UBXN7: variants seen among roughly 807,000 people sequenced by gnomAD.
UBXN7 encodes the protein UBX domain-containing protein 7.
UBXN7 carries 9 observed loss-of-function variants against 58.0 expected under a neutral mutation model. The ratio of observed to expected loss-of-function variants is 0.16; its 90% CI spans 0.09 to 0.27. The LOEUF (loss-of-function observed/expected upper bound fraction) is 0.27, where lower values mean the gene tolerates loss of function less well. Ranked by LOEUF, UBXN7 falls within the 10% of genes least tolerant of loss-of-function variation. The probability of loss-of-function intolerance (pLI) is 1.00; values close to 1 mark genes in which losing one functional copy is unlikely to be tolerated. For synonymous variants in UBXN7, 208 were observed against 205.0 expected (o/e 1.01, Z -0.12); for missense variants, 328 against 599.6 (o/e 0.55, Z 4.73).
Position 196,367,942 on chromosome 3 carries a change from T to G in UBXN7, c.834+86A>C, listed in dbSNP as rs184653926. On this transcript the variant is annotated intron_variant, in intron 8 of 10. Coordinates refer to ENST00000296328, the MANE Select transcript of UBXN7 (RefSeq NM_015562.2). ...AGTTGTCCACTAGTTAGATTATCTT[T>G]ACCATCTTAACATCGAACATTTTAT... 9.2e-4 allele frequency: 1,411 copies of G among 1,526,460 alleles called. 18 individuals are homozygous for G. In the African/African-American group the frequency reaches 0.018, roughly 20 times the overall value. The allele number at this position is 1,526,460 out of a possible 1,614,324, so 94.6% of individuals were successfully genotyped here.
chr3:196,418,373 G>A (rs1008361128), intron 1 of UBXN7, among the ~76,000 whole-genome samples: 1 of 152,192 alleles, frequency 6.6e-6, no homozygotes, highest in African/African-American at 2.4e-5. Context: ...TATAAAGTGT[G>A]AATATATATA....
chr3:196,379,904 G>T (rs1305045653), intron 5 of UBXN7, among the ~76,000 whole-genome samples: 1 of 152,112 alleles, frequency 6.6e-6, no homozygotes, highest in Non-Finnish European at 1.5e-5. Context: ...CCAAGAGAGG[G>T]TTCTTGGATC....
Position 196,391,925 on chromosome 3 carries a change from A to G in UBXN7, c.356T>C (p.Ile119Thr). The change falls in exon 5 of 11, where the codon ATT becomes ACT. Residue 119 changes from isoleucine to threonine, a missense_variant and splice_region_variant. By Grantham distance (89) the Ile-to-Thr change is moderately conservative. Around this residue, in one of 4 missense-constraint regions of UBXN7, gnomAD observed 126 missense variants for 302.6 expected, o/e 0.42. Coordinates refer to ENST00000296328, the MANE Select transcript of UBXN7 (RefSeq NM_015562.2). ...DGFRDFQTET[I>T]RQEQELRNGG... ...ATTTCTTAATTCTTGTTCTTGCCGA[A>G]CTATAATACAGAAGGATGAAAGTTT... The G allele has an allele frequency of 1.9e-6, 3 of 1,595,564 alleles. No individual in the cohort carries two copies. Among genetic ancestry groups the G allele is most frequent in the Non-Finnish European group, 1.7e-6 (2 of 1,169,700 alleles).
At chr3:196,368,960 C>CTACA (rs973940176) in intron 7 of UBXN7, among the ~76,000 whole-genome samples, 1 of 152,056 alleles carries the variant, frequency 6.6e-6, no homozygotes, top group African/African-American at 2.4e-5. Flanking sequence ...GCAGCTGGGA[C>CTACA]TACAGGTGCC....
chr3:196,404,073 C>G lies in UBXN7; in HGVS notation c.222-1054G>C, dbSNP rs570028528. On this transcript the variant is annotated intron_variant, in intron 2 of 10. Transcript: ENST00000296328. ...GACCAACCTTGGCAACATAGTAAGA[C>G]TCCATCTCTAAAAAAAAAAAGAAAA... is the stretch of plus-strand genomic sequence containing the variant. 3.4e-5 allele frequency among the ~76,000 whole-genome samples: 5 copies of G among 148,244 alleles called. No individual in the cohort carries two copies. The South Asian group carries it at 1.1e-3, about 32-fold the overall frequency.
intron 3 of UBXN7, among the ~76,000 whole-genome samples, chr3:196,399,607 A>AT (rs1729894896): frequency 6.6e-6 from 1 of 152,000 alleles, no homozygotes; most frequent in Admixed American, 6.6e-5. Context: ...TAACGAATTT[A>AT]TTTTTATTTT....
intron 5 of UBXN7, among the ~76,000 whole-genome samples, chr3:196,373,626 G>A (rs1322534637): frequency 1.3e-5 from 2 of 152,120 alleles, no homozygotes; most frequent in Non-Finnish European, 2.9e-5. Flanking sequence ...AAAAATGTGA[G>A]ACTGAGAATA....
intron 4 of UBXN7, among the ~76,000 whole-genome samples, chr3:196,392,183 T>G (rs1196965431): frequency 6.6e-6 from 1 of 152,002 alleles, no homozygotes; most frequent in African/African-American, 2.4e-5. Context: ...CAAAGTAACC[T>G]CTTCACATAT....
At chr3:196,409,744 G>A (rs1011057241) in intron 1 of UBXN7, among the ~76,000 whole-genome samples, 8 of 152,148 alleles carry the variant, frequency 5.3e-5, no homozygotes, top group Admixed American at 2.6e-4. Context: ...GCTTTATGAA[G>A]GGGAGGAGCC....
At chr3:196,394,420 A>G (rs187662923) in intron 3 of UBXN7, among the ~76,000 whole-genome samples, 97 of 151,984 alleles carry the variant, frequency 6.4e-4, no homozygotes, top group African/African-American at 2.2e-3. Context: ...GATTAACATA[A>G]TGAAACCCTG....
At position 196,350,315 on chromosome 3, in the gene UBXN7, A is replaced by G. The variant is rs925310846; in HGVS notation, c.*6370T>C. ...ACACAACAGCAACTGGTAGGCCACA[A>G]AGAGGGTGGGGTATCACAGAGCTAG... On this transcript the variant is annotated 3_prime_UTR_variant, in exon 11 of 11. Coordinates refer to ENST00000296328, the MANE Select transcript of UBXN7 (RefSeq NM_015562.2). 3.2e-4 allele frequency: 49 copies of G among 152,208 alleles called. No homozygotes were observed. The highest frequency in any genetic ancestry group is 1.1e-3 in the African/African-American group (47 of 41,472). The allele number at this position is 152,208 out of a possible 1,614,324, so 9.4% of individuals were successfully genotyped here.
intron 1 of UBXN7, among the ~76,000 whole-genome samples, chr3:196,409,185 C>T (rs539658632): frequency 1.3e-5 from 2 of 152,220 alleles, no homozygotes; most frequent in African/African-American, 4.8e-5. Context: ...TCTGTTTCTT[C>T]ACTTGCTCAC....
chr3:196,409,130 C>T (rs966741018), intron 1 of UBXN7, among the ~76,000 whole-genome samples: 2 of 152,152 alleles, frequency 1.3e-5, no homozygotes, highest in South Asian at 2.1e-4. Flanking sequence ...GTAATCTCTT[C>T]AATGCTATCT....
intron 6 of UBXN7, among the ~76,000 whole-genome samples, chr3:196,370,271 G>GT (rs200875234): frequency 1.1e-3 from 122 of 106,814 alleles, no homozygotes; most frequent in African/African-American, 3.6e-3. Flanking sequence ...AAGTTTTTTT[G>GT]TTTTTTTTTG....
chr3:196,361,559 A>C (rs1728505899), intron 10 of UBXN7, among the ~76,000 whole-genome samples: 1 of 152,198 alleles, frequency 6.6e-6, no homozygotes. Context: ...ACATTTTCAG[A>C]AACTGCCACA....
intron 8 of UBXN7, among the ~76,000 whole-genome samples, chr3:196,363,817 T>C (rs1208637845): frequency 6.6e-6 from 1 of 151,452 alleles, no homozygotes; most frequent in African/African-American, 2.4e-5. Flanking sequence ...TAGTCGCAGC[T>C]ACTCAGGAGG....
chr3:196,401,730 A>G (rs944249020), intron 3 of UBXN7, among the ~76,000 whole-genome samples: 1 of 147,378 alleles, frequency 6.8e-6, no homozygotes, highest in Non-Finnish European at 1.5e-5. Context: ...GGAGTTTGGG[A>G]CCAGCCTGGG....
intron 5 of UBXN7, among the ~76,000 whole-genome samples, chr3:196,387,964 A>G (rs188541107): frequency 6.6e-6 from 1 of 152,188 alleles, no homozygotes. Context: ...AAGGATTATA[A>G]ATCATGCTGC....
intron 1 of UBXN7, 30 bp from the exon 2 acceptor site, chr3:196,407,423 T>TAAAAAAAAAA (rs74348613): frequency 8.3e-7 from 1 of 1,201,600 alleles, no homozygotes. Flanking sequence ...GGAAAAACGT[T>TAAAAAAAAAA]AAAAAAAAAA....
Sources: allele counts gnomAD v4.1 joint callset (sites outside exome capture counted in the v4.1 genomes callset), GRCh38; gene constraint gnomAD v4.1.1; regional missense constraint gnomAD v4.1.1; transcripts MANE v1.5; gene names NCBI Gene and HGNC (gene_info 2026-07-23, HGNC 2026-07-21).